The following PSMD13 variants were observed in gnomAD, a reference collection of about 807,000 sequenced individuals.
PSMD13 encodes 26S proteasome non-ATPase regulatory subunit 13.
In PSMD13, 8 loss-of-function variants were observed where a neutral mutation model predicts 57.4. The ratio of observed to expected loss-of-function variants is 0.14; its 90% confidence interval spans 0.08 to 0.25. The LOEUF (loss-of-function observed/expected upper bound fraction) is 0.25, where lower values mean the gene tolerates loss of function less well. Ranked by LOEUF, PSMD13 falls within the 10% of genes least tolerant of loss-of-function variation. The pLI is 1.00. For missense variants in PSMD13, 400 were observed against 461.5 expected, an observed-to-expected ratio of 0.87 and a Z score of 1.22; for synonymous variants, 193 against 168.2, an observed-to-expected ratio of 1.15 and a Z score of -1.14.
Position 245,682 on chromosome 11 carries a change from T to TGTG in PSMD13, c.396+921_396+922insGTG, listed in dbSNP as rs1564822069. 1.1e-3 allele frequency among the ~76,000 whole-genome samples: 65 copies of TGTG among 61,836 alleles called. No individual in the cohort carries two copies. In the South Asian group the frequency reaches 0.011, roughly 10 times the overall value. The allele number at this position is 61,836 out of a possible 152,430, so 40.6% of individuals were successfully genotyped here. ...TGTGTGTGTGTGTGTGTGTGTGTGT[T>TGTG]TGCATGTGTGTTCGTGTGTTTGTGT... is the stretch of plus-strand genomic sequence containing the variant. On this transcript the variant is annotated intron_variant, in intron 6 of 12. Coordinates refer to ENST00000532097, the MANE Select transcript of PSMD13 (RefSeq NM_002817.4).
chr11:242,258 G>T (rs978710556), intron 2 of PSMD13, among the ~76,000 whole-genome samples: 1 of 147,754 alleles, frequency 6.8e-6, no homozygotes, highest in East Asian at 2.0e-4. Context: ...CTATGTTGTA[G>T]TATCTAGTAT....
rs745872090 is a variant in PSMD13, at chr11:252,454, CTG to C, written c.1036-47_1036-46del. 1.3e-5 allele frequency: 20 copies of C among 1,577,990 alleles called. No individual in the cohort carries two copies. Among genetic ancestry groups the C allele is most frequent in the Admixed American group, 1.0e-4 (6 of 59,880 alleles). On this transcript the variant is annotated intron_variant, in intron 12 of 12. Coordinates refer to ENST00000532097, the MANE Select transcript of PSMD13 (RefSeq NM_002817.4). The surrounding 1 kb of genome is among the most constrained non-coding windows in gnomAD (Gnocchi z 4.1). ...TCAGGTGCTGTGCCGGCCGCTCGGC[CTG>C]TGTCTCCTGCGTGTCTTAACGTCCC...
intron 2 of PSMD13, among the ~76,000 whole-genome samples, chr11:240,101 C>CCTTTTTTTTTTTTTTTTTTTT (rs1859481826): frequency 1.9e-5 from 1 of 51,412 alleles, no homozygotes; most frequent in Non-Finnish European, 3.4e-5. Context: ...ATGAGACCTG[C>CCTTTTTTTTTTTTTTTTTTTT]TTTTTTTTTT....
intron 3 of PSMD13, 37 bp downstream of exon 3, chr11:244,112 A>T: frequency 6.2e-7 from 1 of 1,606,184 alleles, no homozygotes; most frequent in Admixed American, 1.7e-5. Context: ...TTTGAAAATG[A>T]GTGCATTGAT....
chr11:251,717 TA>T lies in PSMD13; in HGVS notation c.918+97del. On this transcript the variant is annotated intron_variant, in intron 11 of 12. Coordinates refer to ENST00000532097, the MANE Select transcript of PSMD13 (RefSeq NM_002817.4). This position sits in a 1 kb window ranked among gnomAD's most constrained non-coding sequence, Gnocchi z 4.6. ...TGTGAGCGCTGTGCTCCCTAGACAG[TA>T]AAAAATGACGGGAGGAGCGGCATCT... 6.5e-7 allele frequency: 1 copy of T among 1,535,642 alleles called. No individual in the cohort carries two copies. Among genetic ancestry groups the T allele is most frequent in the Non-Finnish European group, 9.0e-7 (1 of 1,113,924 alleles).
chr11:241,391 G>A (rs759967593), intron 2 of PSMD13, among the ~76,000 whole-genome samples: 12 of 152,132 alleles, frequency 7.9e-5, no homozygotes, highest in Non-Finnish European at 1.6e-4. Flanking sequence ...CACCAGCCTC[G>A]GCCTCCCAAA....
Position 252,760 on chromosome 11 carries a change from G to C in PSMD13, c.*160G>C. 1 of 640,462 alleles carries C rather than the reference G, an allele frequency of 1.6e-6. No homozygotes were observed. Among genetic ancestry groups the C allele is most frequent in the Admixed American group, 2.8e-5 (1 of 35,476 alleles). 39.7% of individuals were successfully genotyped at this position (640,462 alleles called of 1,614,324 possible). On this transcript the variant is annotated 3_prime_UTR_variant, in exon 13 of 13. Transcript: ENST00000532097. The surrounding 1 kb of genome is among the most constrained non-coding windows in gnomAD (Gnocchi z 4.1). ...TTGCTCTAAAAACAGGACTGTCCCT[G>C]ATGGGAGCCAGGCCACAGGGAGGAG...
At chr11:246,641 T>C (rs1027174435) in intron 6 of PSMD13, among the ~76,000 whole-genome samples, 4 of 152,190 alleles carry the variant, frequency 2.6e-5, no homozygotes, top group Non-Finnish European at 5.9e-5. Context: ...GCTGTGTGCA[T>C]CTCTGCCTTT....
intron 9 of PSMD13, among the ~76,000 whole-genome samples, chr11:249,345 A>AGTGACCTAAGGTCTGT (rs1859723364): frequency 6.6e-6 from 1 of 152,104 alleles, no homozygotes; most frequent in South Asian, 2.1e-4. Flanking sequence ...TAGAAGTCAT[A>AGTGACCTAAGGTCTGT]GTGACCTAAG....
Position 249,200 on chromosome 11 carries a change from A to G in PSMD13, c.774+143A>G, listed in dbSNP as rs977851617. The G allele has an allele frequency of 2.2e-5, 26 of 1,192,646 alleles. No individual in the cohort carries two copies. The Admixed American group carries it at 4.8e-4, about 22-fold the overall frequency. The allele number at this position is 1,192,646 out of a possible 1,614,324, so 73.9% of individuals were successfully genotyped here. On this transcript the variant is annotated intron_variant, in intron 9 of 12. Coordinates refer to ENST00000532097, the MANE Select transcript of PSMD13 (RefSeq NM_002817.4). ...AAGATAGGCTAGTCCTTGCTCTCAT[A>G]GAGCAGAGAGTTAAGTGGTTGGTTA...
chr11:244,777 T>G lies in PSMD13; in HGVS notation c.396+16T>G. ...GGTTACAAAGGTGAGATCACCATAA[T>G]ACAGATTTATCTTTGGTTTAAAATT... On this transcript the variant is annotated intron_variant, in intron 6 of 12. Transcript: ENST00000532097. The G allele has an allele frequency of 6.5e-7, 1 of 1,542,218 alleles. No homozygotes were observed. The highest frequency in any genetic ancestry group is 1.2e-5 in the South Asian group (1 of 84,322).
rs755439685 is a variant in PSMD13 at position 251,871 on chromosome 11, A to G, written c.970A>G (p.Ile324Val). 2 of 1,614,194 alleles carry G rather than the reference A, an allele frequency of 1.2e-6. No homozygotes were observed. The highest frequency in any genetic ancestry group is 1.1e-5 in the South Asian group (1 of 91,082). Reference protein sequence around the residue: ...ALSVGLVKGSIDEVDKRVHMT... With the variant: ...ALSVGLVKGSVDEVDKRVHMT... The stretch of plus-strand genomic sequence containing the variant: ...TTCGGTGGGGCTGGTGAAAGGCAGT[A>G]TAGACGAGGTGGACAAACGAGTCCA... The change falls in exon 12 of 13, where the codon ATA (isoleucine) becomes GTA (valine). Residue 324 changes from isoleucine to valine, a missense_variant. By Grantham distance (29) the Ile-to-Val change is conservative. Coordinates refer to ENST00000532097, the MANE Select transcript of PSMD13 (RefSeq NM_002817.4). The surrounding 1 kb of genome is among the most constrained non-coding windows in gnomAD (Gnocchi z 4.6).
chr11:249,203 G>A lies in PSMD13; in HGVS notation c.774+146G>A, dbSNP rs924105596. Reference sequence around the variant, plus strand: ...ATAGGCTAGTCCTTGCTCTCATAGAGCAGAGAGTTAAGTGGTTGGTTAGCT... The same window carrying A: ...ATAGGCTAGTCCTTGCTCTCATAGAACAGAGAGTTAAGTGGTTGGTTAGCT... On this transcript the variant is annotated intron_variant, in intron 9 of 12. Coordinates refer to ENST00000532097, the MANE Select transcript of PSMD13 (RefSeq NM_002817.4). 6.7e-6 allele frequency: 8 copies of A among 1,186,394 alleles called. 1 individual carries two copies. In the African/African-American group the frequency reaches 7.6e-5, roughly 11 times the overall value. The allele number at this position is 1,186,394 out of a possible 1,614,324, so 73.5% of individuals were successfully genotyped here.
intron 7 of PSMD13, chr11:248,517 C>T: frequency 6.2e-6 from 3 of 484,776 alleles, no homozygotes; most frequent in South Asian, 2.5e-5. Flanking sequence ...CTGGAAGTGG[C>T]ACAGCTGAAA....
At chr11:239,296 G>A (rs934334443) in intron 2 of PSMD13, among the ~76,000 whole-genome samples, 1 of 152,200 alleles carries the variant, frequency 6.6e-6, no homozygotes, top group Non-Finnish European at 1.5e-5. Context: ...AAGACTTTAA[G>A]TAACTTACCA....
rs775331497 is a variant in PSMD13, at chr11:236,999, G to A, written c.-51G>A. 1.4e-6 allele frequency: 2 copies of A among 1,480,218 alleles called. No individual in the cohort carries two copies. The highest frequency in any genetic ancestry group is 2.8e-5 in the African/African-American group (2 of 72,074). The allele number at this position is 1,480,218 out of a possible 1,614,324, so 91.7% of individuals were successfully genotyped here. A position where few individuals can be genotyped will look rare whatever the true frequency, so the allele number is the denominator to read the frequency against. Reference sequence around the variant, plus strand: ...GTGAGCATTTCCGGCAGCCATCCCCGCGGTGCTGACATCCCGGTTGTTCTT... The same window carrying A: ...GTGAGCATTTCCGGCAGCCATCCCCACGGTGCTGACATCCCGGTTGTTCTT... On this transcript the variant is annotated 5_prime_UTR_variant, in exon 1 of 13. Coordinates refer to ENST00000532097, the MANE Select transcript of PSMD13 (RefSeq NM_002817.4).
intron 7 of PSMD13, 198 bp from the exon 8 acceptor site, chr11:248,578 C>T (rs1032359714): frequency 1.7e-6 from 1 of 578,414 alleles, no homozygotes; most frequent in South Asian, 2.3e-5. Flanking sequence ...ATGCTCCTCC[C>T]AAAAAACCCA....
At chr11:250,697 T>C in intron 9 of PSMD13, 106 bp from the exon 10 acceptor site, 1 of 950,860 alleles carries the variant, frequency 1.1e-6, no homozygotes, top group South Asian at 1.3e-5. Context: ...TCTGCTTAGC[T>C]GGTTTTTGTT....
chr11:243,144 CTT>C (rs1859553541), intron 2 of PSMD13: 35 of 618,280 alleles, frequency 5.7e-5, no homozygotes, highest in South Asian at 5.0e-4. Context: ...TTGTTGAAGA[CTT>C]TGGTCACCAC....
Sources: allele counts gnomAD v4.1 joint callset (sites outside exome capture counted in the v4.1 genomes callset), GRCh38; gene constraint gnomAD v4.1.1; non-coding constraint Gnocchi (gnomAD v3.1); transcripts MANE v1.5; gene names NCBI Gene and HGNC (gene_info 2026-07-23, HGNC 2026-07-21).